Variants in SMYD3 observed in about 807,000 individuals in gnomAD.
SMYD3 encodes histone-lysine N-methyltransferase SMYD3.
Under a neutral mutation model 57.7 loss-of-function variants are expected in SMYD3, and 36 were observed. The observed-to-expected ratio is 0.62, with a 90% CI of 0.48 to 0.82. The LOEUF is 0.82. SMYD3 is among the 40% of genes least tolerant of loss of function. The pLI is 0.00. For synonymous variants in SMYD3, 211 were observed against 195.0 expected, an observed-to-expected ratio of 1.08 and a Z score of -0.68; for missense variants, 515 against 538.8, an observed-to-expected ratio of 0.96 and a Z score of 0.44.
In SMYD3 at chr1:246,368,067, A is replaced by G. The variant is rs1056399983; in HGVS notation, c.165-12973T>C. 7.2e-5 allele frequency among the ~76,000 whole-genome samples: 11 copies of G among 152,330 alleles called. No homozygotes were observed. The East Asian group carries it at 2.1e-3, about 29-fold the overall frequency. ...TCTTCTGGGTATAGGCTGGGCCATA[A>G]TTAGTTTCTCCAACAGCCTAAGCTA... On this transcript the variant is annotated intron_variant, in intron 1 of 11. Transcript: ENST00000490107.
At chr1:246,372,140 G>A (rs2066202692) in intron 1 of SMYD3, among the ~76,000 whole-genome samples, 2 of 152,298 alleles carry the variant, frequency 1.3e-5, no homozygotes, top group Non-Finnish European at 2.9e-5. Flanking sequence ...AGCTGCAAGT[G>A]CACTATAATT....
At chr1:246,495,816 G>A (rs1034091298) in intron 1 of SMYD3, among the ~76,000 whole-genome samples, 5 of 151,642 alleles carry the variant, frequency 3.3e-5, no homozygotes, top group African/African-American at 1.2e-4. Flanking sequence ...GCCAGGGGTG[G>A]TGGCACGCAT....
At chr1:246,321,318 G>T (rs1166925996) in intron 5 of SMYD3, among the ~76,000 whole-genome samples, 1 of 152,182 alleles carries the variant, frequency 6.6e-6, no homozygotes, top group Non-Finnish European at 1.5e-5. Context: ...AACAGTAGTA[G>T]AAATTAATAA....
intron 5 of SMYD3, among the ~76,000 whole-genome samples, chr1:246,234,518 T>C (rs940106999): frequency 6.6e-6 from 1 of 152,118 alleles, no homozygotes; most frequent in East Asian, 1.9e-4. Flanking sequence ...GTTCACACTG[T>C]GATGAATATA....
chr1:246,031,130 A>G (rs889769721), intron 5 of SMYD3, among the ~76,000 whole-genome samples: 5 of 152,092 alleles, frequency 3.3e-5, no homozygotes, highest in Admixed American at 6.5e-5. Flanking sequence ...TATAGACTAG[A>G]CCTTTTATCT....
chr1:246,299,953 C>A (rs1243185304), intron 5 of SMYD3, among the ~76,000 whole-genome samples: 3 of 151,520 alleles, frequency 2.0e-5, no homozygotes, highest in South Asian at 2.1e-4. Flanking sequence ...GTACGACAAA[C>A]CCTCATGATA....
chr1:246,135,225 T>C (rs1382881417), intron 5 of SMYD3, among the ~76,000 whole-genome samples: 1 of 152,160 alleles, frequency 6.6e-6, no homozygotes, highest in Non-Finnish European at 1.5e-5. Context: ...TACTCCTCTG[T>C]GAATGGTTTA....
At chr1:245,763,686 T>C (rs1310060580) in intron 11 of SMYD3, among the ~76,000 whole-genome samples, 3 of 151,962 alleles carry the variant, frequency 2.0e-5, no homozygotes, top group South Asian at 4.2e-4. Flanking sequence ...CCGTGGGCAA[T>C]GGGGAGGAGG....
intron 1 of SMYD3, among the ~76,000 whole-genome samples, chr1:246,473,853 T>C (rs2103051480): frequency 6.6e-6 from 1 of 152,314 alleles, no homozygotes; most frequent in Middle Eastern, 3.4e-3. Context: ...AGCATTCCCA[T>C]GAGACCAAAT....
intron 5 of SMYD3, among the ~76,000 whole-genome samples, chr1:245,982,132 A>G (rs2058610523): frequency 6.6e-6 from 1 of 151,796 alleles, no homozygotes; most frequent in African/African-American, 2.4e-5. Context: ...CAGCTGTAAT[A>G]GAATCACATT....
rs2067196374 is a variant in SMYD3, at chr1:246,424,915, G to C, written c.165-69821C>G. Among the ~76,000 whole-genome samples the C allele has an allele frequency of 2.0e-5, 3 of 152,066 alleles. No individual in the cohort carries two copies. The South Asian group carries it at 6.2e-4, about 31-fold the overall frequency. ...CATCAACATACCCACTTGCAAAAAT[G>C]TAATTATACTTTATATAATTTCTTA... On this transcript the variant is annotated intron_variant, in intron 1 of 11. Coordinates refer to ENST00000490107, the MANE Select transcript of SMYD3 (RefSeq NM_001167740.2).
At chr1:245,858,448 ACGT>A in intron 10 of SMYD3, 45 bp downstream of exon 10, 1 of 1,545,160 alleles carries the variant, frequency 6.5e-7, no homozygotes. Context: ...CCTTTGCCCA[ACGT>A]GAAGACGTCC....
At chr1:245,790,531 C>T (rs1391712004) in intron 10 of SMYD3, among the ~76,000 whole-genome samples, 1 of 152,184 alleles carries the variant, frequency 6.6e-6, no homozygotes, top group African/African-American at 2.4e-5. Context: ...TACTTGGCTC[C>T]AAACCAGGCA....
At chr1:246,277,865 C>T (rs145753959) in intron 5 of SMYD3, among the ~76,000 whole-genome samples, 38 of 152,090 alleles carry the variant, frequency 2.5e-4, no homozygotes, top group African/African-American at 6.8e-4. Flanking sequence ...TGCAGCCAGA[C>T]GTGTAGGAGG....
intron 1 of SMYD3, among the ~76,000 whole-genome samples, chr1:246,500,195 A>T (rs2068436039): frequency 6.6e-6 from 1 of 152,194 alleles, no homozygotes; most frequent in Non-Finnish European, 1.5e-5. Flanking sequence ...AGATTGACCG[A>T]ACTTAGGTCA....
intron 5 of SMYD3, among the ~76,000 whole-genome samples, chr1:246,315,618 G>A (rs2065143595): frequency 6.6e-6 from 1 of 152,166 alleles, no homozygotes; most frequent in African/African-American, 2.4e-5. Flanking sequence ...AGGACACGCT[G>A]ATACGTTGTT....
At chr1:246,342,639 C>A (rs2065650643) in intron 2 of SMYD3, among the ~76,000 whole-genome samples, 1 of 152,162 alleles carries the variant, frequency 6.6e-6, no homozygotes, top group African/African-American at 2.4e-5. Flanking sequence ...TAAAAGCTTA[C>A]TGAATGCTGT....
intron 5 of SMYD3, among the ~76,000 whole-genome samples, chr1:246,215,674 C>T (rs1484897614): frequency 6.6e-6 from 1 of 152,164 alleles, no homozygotes; most frequent in Non-Finnish European, 1.5e-5. Context: ...GGCTGAGCAG[C>T]AGCATGCCAC....
chr1:245,968,847 C>T (rs1186526447), intron 5 of SMYD3, among the ~76,000 whole-genome samples: 1 of 152,164 alleles, frequency 6.6e-6, no homozygotes, highest in Non-Finnish European at 1.5e-5. Context: ...TGTCTTTCTC[C>T]TGTGCCGTTC....
Sources: gnomAD v4.1 joint callset for allele counts (sites outside exome capture counted in the v4.1 genomes callset) on GRCh38, gnomAD v4.1.1 for gene constraint, MANE v1.5 for transcripts, NCBI Gene and HGNC (gene_info 2026-07-23, HGNC 2026-07-21) for gene names.